The following MAPK6 variants were observed in gnomAD, a reference collection of about 807,000 sequenced individuals.
The protein encoded by MAPK6 is ERK-3.
MAPK6 carries 19 observed loss-of-function variants against 59.3 expected under a neutral mutation model. That is an observed-to-expected ratio of 0.32 (90% CI 0.22 to 0.47). The LOEUF (loss-of-function observed/expected upper bound fraction) is 0.47, where lower values mean the gene tolerates loss of function less well. MAPK6 is among the 20% of genes least tolerant of loss of function. The probability of loss-of-function intolerance (pLI) is 1.00; values close to 1 mark genes in which losing one functional copy is unlikely to be tolerated. For missense variants in MAPK6, 724 were observed against 847.9 expected, an observed-to-expected ratio of 0.85 and a Z score of 1.81; for synonymous variants, 316 against 290.3, an observed-to-expected ratio of 1.09 and a Z score of -0.90.
At chr15:52,045,185 A>G (rs965346274) in intron 1 of MAPK6, among the ~76,000 whole-genome samples, 3 of 152,164 alleles carry the variant, frequency 2.0e-5, no homozygotes, top group African/African-American at 4.8e-5. Context: ...TTAAACTCCA[A>G]CCACTATTGT....
rs1338218747 is a variant in MAPK6 at position 52,066,376 on chromosome 15, T to A, written c.*1376T>A. The A allele has an allele frequency of 6.6e-6, 1 of 152,232 alleles. No individual in the cohort carries two copies. The highest frequency in any genetic ancestry group is 2.4e-5 in the African/African-American group (1 of 41,462). 9.4% of individuals were successfully genotyped at this position (152,232 alleles called of 1,614,324 possible). ...TGCTAGTCTGAAAGGCTGAGAAGGT[T>A]CAAGTCTTTTGACTTAAACCATCAC... On this transcript the variant is annotated 3_prime_UTR_variant, in exon 6 of 6. Coordinates refer to ENST00000261845, the MANE Select transcript of MAPK6 (RefSeq NM_002748.4).
At chr15:52,049,970 T>G in intron 2 of MAPK6, 23 bp from the exon 3 acceptor site, 1 of 1,597,648 alleles carries the variant, frequency 6.3e-7, no homozygotes, top group East Asian at 2.2e-5. Context: ...GTAAAAAAAG[T>G]ATGTTTTTTG....
chr15:52,064,050 C>G lies in MAPK6; in HGVS notation c.1216C>G (p.Arg406Gly), dbSNP rs559503234. 7 of 1,613,622 alleles carry G rather than the reference C, an allele frequency of 4.3e-6. No individual in the cohort carries two copies. The highest frequency in any genetic ancestry group is 1.7e-5 in the Admixed American group (1 of 59,986). ...VDPRKYLDGDREKYLEDPAFD... is the reference protein window; with the variant it reads ...VDPRKYLDGDGEKYLEDPAFD... ...TCCCCGAAAATATTTGGATGGAGAT[C>G]GGGAAAAGTATCTGGAGGATCCTGC... Residue 406 changes from arginine (R) to glycine (G), a missense_variant, in exon 6 of 6, where the codon CGG (arginine) becomes GGG (glycine). Transcript: ENST00000261845.
upstream of MAPK6, among the ~76,000 whole-genome samples, chr15:52,014,490 T>A (rs1221288439): frequency 2.0e-5 from 3 of 152,044 alleles, no homozygotes; most frequent in Non-Finnish European, 4.4e-5. Context: ...GGCAGGAGGA[T>A]CACTTGAGCT....
rs1595961980 is a variant in MAPK6, at chr15:51,998,291, A to G, written c.-769-5974A>G. 2.0e-5 allele frequency among the ~76,000 whole-genome samples: 3 copies of G among 150,154 alleles called. No homozygotes were observed. The Admixed American group carries it at 2.0e-4, about 10-fold the overall frequency. ...ACAATCTCGGCTCACTGCAACCCCC[A>G]CCTCCCGAGTTCAAGTGATTTTTGT... On this transcript the variant is annotated intron_variant, in intron 2 of 7. Coordinates refer to the MAPK6 transcript ENST00000691380.
chr15:52,031,369 A>G lies in MAPK6; in HGVS notation c.-632+11993A>G, dbSNP rs551142420. Among the ~76,000 whole-genome samples, 9 of 152,374 alleles carry G rather than the reference A, an allele frequency of 5.9e-5. No individual in the cohort carries two copies. The East Asian group carries it at 1.7e-3, about 29-fold the overall frequency. On this transcript the variant is annotated intron_variant, in intron 1 of 5. Coordinates refer to ENST00000261845, the MANE Select transcript of MAPK6 (RefSeq NM_002748.4). ...GAATTTGGTTTACAAACCTGGTTCA[A>G]ATCCTGGCTCTCTCATTCATGTGTG...
At chr15:52,016,074 A>G (rs150729903), upstream of MAPK6, among the ~76,000 whole-genome samples, 1,009 of 78,524 alleles carry the variant, frequency 0.013, 10 homozygotes, top group African/African-American at 0.038. Flanking sequence ...GCGCGCGCAC[A>G]CACACACACA....
intron 3 of MAPK6, among the ~76,000 whole-genome samples, chr15:52,012,823 C>T (rs925117264): frequency 2.0e-5 from 3 of 150,894 alleles, no homozygotes; most frequent in Middle Eastern, 3.4e-3. Flanking sequence ...CTCGTCTTTA[C>T]TAAAAATACA....
intron 1 of MAPK6, among the ~76,000 whole-genome samples, chr15:51,972,553 G>T (rs550541438): frequency 2.0e-5 from 3 of 150,750 alleles, no homozygotes; most frequent in Admixed American, 6.7e-5. Context: ...GCCGGGCGCG[G>T]TCGCTCACGC....
intron 2 of MAPK6, among the ~76,000 whole-genome samples, chr15:51,996,420 G>C (rs2057224355): frequency 1.3e-5 from 2 of 152,084 alleles, no homozygotes; most frequent in Admixed American, 1.3e-4. Flanking sequence ...TTTTGAGACA[G>C]AGTCTTGCTC....
At chr15:52,022,454 T>C (rs982566840) in intron 1 of MAPK6, among the ~76,000 whole-genome samples, 7 of 152,040 alleles carry the variant, frequency 4.6e-5, no homozygotes, top group African/African-American at 1.7e-4. Context: ...TAGAGATGAA[T>C]GTTCACAGTG....
intron 5 of MAPK6, among the ~76,000 whole-genome samples, chr15:52,062,193 G>A (rs564501518): frequency 1.3e-5 from 2 of 151,366 alleles, no homozygotes; most frequent in East Asian, 3.9e-4. Context: ...GGGATTACAG[G>A]TACCCAGCTA....
chr15:52,016,066 GCGCGCACACACA>G (rs1467067214), upstream of MAPK6, among the ~76,000 whole-genome samples: 5 of 44,338 alleles, frequency 1.1e-4, no homozygotes, highest in Admixed American at 2.5e-4. Flanking sequence ...GCGCGCGCGC[GCGCGCACACACA>G]CACACACACA....
chr15:52,022,354 G>C (rs1595976958), intron 1 of MAPK6, among the ~76,000 whole-genome samples: 1 of 152,240 alleles, frequency 6.6e-6, no homozygotes. Flanking sequence ...TCTACTTCCC[G>C]GGCTCAGGTG....
intron 1 of MAPK6, among the ~76,000 whole-genome samples, chr15:51,971,975 C>CG (rs759919952): frequency 1.3e-4 from 19 of 144,462 alleles, no homozygotes; most frequent in South Asian, 2.2e-4. Flanking sequence ...TACCAGGGGG[C>CG]GGGGGGGTCC....
intron 3 of MAPK6, among the ~76,000 whole-genome samples, chr15:52,051,021 C>G (rs1319367779): frequency 6.6e-6 from 1 of 151,864 alleles, no homozygotes; most frequent in African/African-American, 2.4e-5. Context: ...TGATTAAGGC[C>G]TTTTTCTGTC....
intron 2 of MAPK6, among the ~76,000 whole-genome samples, chr15:51,987,337 G>T (rs1476817782): frequency 6.6e-6 from 1 of 152,178 alleles, no homozygotes; most frequent in Non-Finnish European, 1.5e-5. Context: ...TGGGCACTGT[G>T]GCTCCCACCT....
rs1668089613 is a variant in MAPK6 at position 52,065,650 on chromosome 15, A to G, written c.*650A>G. On this transcript the variant is annotated 3_prime_UTR_variant, in exon 6 of 6. Coordinates refer to ENST00000261845, the MANE Select transcript of MAPK6 (RefSeq NM_002748.4). ...ATGCATTCTTTATAGTGAAGTGTTA[A>G]TACATCACATCTTATTTATTTTAGC... 1 of 152,674 alleles carries G rather than the reference A, an allele frequency of 6.5e-6. No individual in the cohort carries two copies. The highest frequency in any genetic ancestry group is 2.4e-5 in the African/African-American group (1 of 41,472). The allele number at this position is 152,674 out of a possible 1,614,324, so 9.5% of individuals were successfully genotyped here. A position where few individuals can be genotyped will look rare whatever the true frequency, so the allele number is the denominator to read the frequency against.
chr15:52,008,179 C>T lies in MAPK6; in HGVS notation c.-632+3777C>T, dbSNP rs148437926. On this transcript the variant is annotated intron_variant, in intron 3 of 7. Transcript: ENST00000691380. The stretch of plus-strand genomic sequence containing the variant: ...CACTTCCTGATGCACACACATTGTA[C>T]TAACACTCCACCTTTGACTTACTGA... Among the ~76,000 whole-genome samples, 629 of 152,188 alleles carry T rather than the reference C, an allele frequency of 4.1e-3. 5 individuals are homozygous for T. The highest frequency in any genetic ancestry group is 6.8e-3 in the Middle Eastern group (2 of 294).
Sources: allele counts gnomAD v4.1 joint callset (sites outside exome capture counted in the v4.1 genomes callset), GRCh38; gene constraint gnomAD v4.1.1; transcripts MANE v1.5; gene names NCBI Gene and HGNC (gene_info 2026-07-23, HGNC 2026-07-21).